Variants in TRPM2 observed in about 807,000 individuals in gnomAD.
TRPM2 encodes transient receptor potential cation channel subfamily M member 2.
In TRPM2, 161 loss-of-function variants were observed where a neutral mutation model predicts 174.0. The ratio of observed to expected loss-of-function variants is 0.93; its 90% CI spans 0.81 to 1.05. The LOEUF is 1.05. TRPM2 is among the 50% of genes least tolerant of loss of function. TRPM2 has a pLI of 0.00. For missense variants in TRPM2, 2,057 were observed against 2,038.0 expected, an observed-to-expected ratio of 1.01 and a Z score of -0.18; for synonymous variants, 954 against 861.3, an observed-to-expected ratio of 1.11 and a Z score of -1.88.
At chr21:44,408,429 T>C (rs1237733729) in intron 19 of TRPM2, among the ~76,000 whole-genome samples, 1 of 151,986 alleles carries the variant, frequency 6.6e-6, no homozygotes, top group Admixed American at 6.6e-5. Context: ...GCATTCCACA[T>C]TCCTGCCTGC....
intron 2 of TRPM2, among the ~76,000 whole-genome samples, chr21:44,362,321 G>C (rs903984171): frequency 1.4e-5 from 2 of 140,490 alleles, no homozygotes. Flanking sequence ...TGGCTAACAC[G>C]GTGAAACCCC....
At chr21:44,410,070 GCGTAGCCT>G in intron 19 of TRPM2, among the ~76,000 whole-genome samples, 1 of 150,838 alleles carries the variant, frequency 6.6e-6, no homozygotes, top group East Asian at 2.0e-4. Flanking sequence ...GTCTTGGTGA[GCGTAGCCT>G]TGTAGTAAGT....
rs763880520 is a variant in TRPM2 at position 44,367,855 on chromosome 21, C to A, written c.604+921C>A. Among the ~76,000 whole-genome samples the A allele has an allele frequency of 1.3e-5, 2 of 152,026 alleles. No homozygotes were observed. On this transcript the variant is annotated intron_variant, in intron 4 of 31. Transcript: ENST00000397928. This position sits in a 1 kb window ranked among gnomAD's most constrained non-coding sequence, Gnocchi z 4.6. ...TCTTTTGACCTGTGAGTCCCACAGC[C>A]CTGCTTGTAAAATGACCAGACCTTT...
intron 16 of TRPM2, among the ~76,000 whole-genome samples, chr21:44,404,750 C>G (rs546596074): frequency 6.7e-6 from 1 of 149,748 alleles, no homozygotes; most frequent in African/African-American, 2.5e-5. Flanking sequence ...ATGATAGTGA[C>G]AGTGATAGTG....
At chr21:44,371,798 A>G (rs2048549408) in intron 5 of TRPM2, among the ~76,000 whole-genome samples, 1 of 152,174 alleles carries the variant, frequency 6.6e-6, no homozygotes, top group African/African-American at 2.4e-5. Context: ...TCTGACCTCA[A>G]AGATTTCTGT....
chr21:44,360,123 A>G (rs762976778), intron 2 of TRPM2, among the ~76,000 whole-genome samples: 3 of 152,242 alleles, frequency 2.0e-5, no homozygotes, highest in Admixed American at 6.5e-5. Context: ...CAATTAAACA[A>G]GTTACAAAGA....
At position 44,423,789 on chromosome 21, in the gene TRPM2, G is replaced by T. The variant is rs892589548; in HGVS notation, c.3549+57G>T. 12 of 1,421,892 alleles carry T rather than the reference G, an allele frequency of 8.4e-6. No individual in the cohort carries two copies. In the South Asian group the frequency reaches 1.1e-4, roughly 13 times the overall value. The allele number at this position is 1,421,892 out of a possible 1,614,324, so 88.1% of individuals were successfully genotyped here. ...GTGCCACTGCTGGGCCTGGTGGGCG[G>T]CTCTGCCATGTGGTGGCACCAAGAA... On this transcript the variant is annotated intron_variant, in intron 23 of 31. Coordinates refer to ENST00000397928, the MANE Select transcript of TRPM2 (RefSeq NM_003307.4).
intron 19 of TRPM2, among the ~76,000 whole-genome samples, chr21:44,412,314 A>C (rs1224633948): frequency 2.0e-5 from 3 of 151,806 alleles, no homozygotes; most frequent in African/African-American, 7.3e-5. Context: ...TTCTCCAGTC[A>C]CCTTTGGTAG....
At position 44,391,409 on chromosome 21, in the gene TRPM2, G is replaced by A. The variant is rs1256561519; in HGVS notation, c.1578G>A (p.Leu526=). The part of the protein sequence containing the change: ...WDTLLYLYEN[L]DPSCLFHSKL... ...CCTTGCTCTACCTGTACGAGAACCT[G>A]GACCCCTCCTGCCTGTTCCACAGCA... The change falls in exon 11 of 32, where the codon CTG becomes CTA. Residue 526 remains leucine (L), a synonymous_variant. Coordinates refer to ENST00000397928, the MANE Select transcript of TRPM2 (RefSeq NM_003307.4). The surrounding 1 kb of genome is among the most constrained non-coding windows in gnomAD (Gnocchi z 5.0). 4 of 1,613,994 alleles carry A rather than the reference G, an allele frequency of 2.5e-6. No homozygotes were observed. In the Admixed American group the frequency reaches 5.0e-5, roughly 20 times the overall value.
rs776340830 is a variant in TRPM2 at position 44,405,160 on chromosome 21, G to C, written c.2557G>C (p.Glu853Gln). ...CCAGTAGCTCTTCTATGACCCTGACGAGTGCGGGCTGATGAAGAAGGCAGC... is the reference window on the plus strand; with the variant it reads ...CCAGTAGCTCTTCTATGACCCTGACCAGTGCGGGCTGATGAAGAAGGCAGC... Reference protein sequence around the residue: ...EMRQLFYDPDECGLMKKAALY... With the variant: ...EMRQLFYDPDQCGLMKKAALY... Residue 853 changes from glutamate (E) to glutamine (Q), a missense_variant, in exon 17 of 32, where the codon GAG (glutamate) becomes CAG (glutamine). By Grantham distance (29) the Glu-to-Gln change is conservative (BLOSUM62 2). Transcript: ENST00000397928. The C allele has an allele frequency of 3.1e-6, 5 of 1,613,320 alleles. No individual in the cohort carries two copies. In the African/African-American group the frequency reaches 6.7e-5, roughly 22 times the overall value.
chr21:44,353,456 G>T, upstream of TRPM2: 1 of 439,424 alleles, frequency 2.3e-6, no homozygotes, highest in South Asian at 4.5e-5. Context: ...AGTGTCCGGG[G>T]GCCCCAGCCA....
chr21:44,351,076 T>C (rs1256953160), upstream of TRPM2, among the ~76,000 whole-genome samples: 1 of 152,226 alleles, frequency 6.6e-6, no homozygotes, highest in East Asian at 1.9e-4. Flanking sequence ...CCTGTCCCAG[T>C]CCTGCTGGTG....
Position 44,379,046 on chromosome 21 carries a change from G to T in TRPM2, c.1064G>T (p.Gly355Val). Reference sequence around the variant, plus strand: ...GGCACCCCCTGTGTGGTTGTGGAGGGCTCGGGCCGCGTGGCCGACGTCATT... The same window carrying T: ...GGCACCCCCTGTGTGGTTGTGGAGGTCTCGGGCCGCGTGGCCGACGTCATT... Reference protein sequence around the residue: ...TNGTPCVVVEGSGRVADVIAQ... With the variant: ...TNGTPCVVVEVSGRVADVIAQ... The change falls in exon 8 of 32, where the codon GGC becomes GTC. Residue 355 changes from glycine to valine, a missense_variant. Coordinates refer to ENST00000397928, the MANE Select transcript of TRPM2 (RefSeq NM_003307.4). The T allele has an allele frequency of 6.2e-7, 1 of 1,610,400 alleles. No individual in the cohort carries two copies. The highest frequency in any genetic ancestry group is 8.5e-7 in the Non-Finnish European group (1 of 1,179,938).
chr21:44,387,602 A>T (rs2049049866), intron 9 of TRPM2, among the ~76,000 whole-genome samples: 1 of 152,244 alleles, frequency 6.6e-6, no homozygotes, highest in East Asian at 1.9e-4. Context: ...TCAACAGAGT[A>T]AAAAGGCAAC....
chr21:44,376,088 C>G lies in TRPM2; in HGVS notation c.952+75C>G. The G allele has an allele frequency of 1.3e-6, 2 of 1,538,976 alleles. No homozygotes were observed. The highest frequency in any genetic ancestry group is 1.8e-6 in the Non-Finnish European group (2 of 1,132,826). ...GGTCAGAGTGTCAGGTACAGCTGGT[C>G]ACGACCAGGACGTTCAACAGGCCTG... On this transcript the variant is annotated intron_variant, in intron 6 of 31. Transcript: ENST00000397928. This position sits in a 1 kb window ranked among gnomAD's most constrained non-coding sequence, Gnocchi z 4.2.
chr21:44,363,063 C>A (rs541805145), intron 2 of TRPM2, among the ~76,000 whole-genome samples: 1 of 152,060 alleles, frequency 6.6e-6, no homozygotes, highest in Non-Finnish European at 1.5e-5. Flanking sequence ...TGAGCCACTG[C>A]GCCTCGCCGC....
intron 5 of TRPM2, among the ~76,000 whole-genome samples, chr21:44,371,023 C>T (rs1259380898): frequency 6.6e-6 from 1 of 152,254 alleles, no homozygotes; most frequent in African/African-American, 2.4e-5. Flanking sequence ...CCCAGGCTCA[C>T]AAACCTGGTG....
chr21:44,423,857 TG>T, intron 23 of TRPM2, 125 bp downstream of exon 23: 2 of 826,340 alleles, frequency 2.4e-6, no homozygotes, highest in East Asian at 2.7e-5. Context: ...GCCGGAACGT[TG>T]GGGCAGCCAT....
In TRPM2 at chr21:44,410,512, C is replaced by G. The variant is rs1288060986; in HGVS notation, c.2963-3379C>G. Reference sequence around the variant, plus strand: ...TTTGACCGCACTGTCTTGGCGTAGACTTGTAGTAAGTTTTGACCGCACTGT... The same window carrying G: ...TTTGACCGCACTGTCTTGGCGTAGAGTTGTAGTAAGTTTTGACCGCACTGT... On this transcript the variant is annotated intron_variant, in intron 19 of 31. Coordinates refer to ENST00000397928, the MANE Select transcript of TRPM2 (RefSeq NM_003307.4). Among the ~76,000 whole-genome samples the G allele has an allele frequency of 5.4e-5, 3 of 55,266 alleles. 1 individual carries two copies. Among genetic ancestry groups the G allele is most frequent in the Non-Finnish European group, 1.3e-4 (3 of 23,828 alleles). The allele number at this position is 55,266 out of a possible 152,430, so 36.3% of individuals were successfully genotyped here.
Sources: allele counts gnomAD v4.1 joint callset (sites outside exome capture counted in the v4.1 genomes callset), GRCh38; gene constraint gnomAD v4.1.1; non-coding constraint Gnocchi (gnomAD v3.1); transcripts MANE v1.5; gene names NCBI Gene and HGNC (gene_info 2026-07-23, HGNC 2026-07-21).